Variants in PWWP3B observed in about 807,000 individuals in gnomAD.
PWWP3B encodes PWWP domain containing 3B, also known as PWWP domain-containing DNA repair factor 3B.
PWWP3B carries 5 observed loss-of-function variants against 15.7 expected under a neutral mutation model. The ratio of observed to expected loss-of-function variants is 0.32; its 90% CI spans 0.17 to 0.67. The LOEUF is 0.67. Among genes scored for constraint, PWWP3B ranks in the 30% least tolerant of loss-of-function variants. PWWP3B has a pLI of 0.74. For missense variants in PWWP3B, 519 were observed against 493.1 expected, an observed-to-expected ratio of 1.05 and a Z score of -0.50; for synonymous variants, 203 against 179.8, an observed-to-expected ratio of 1.13 and a Z score of -1.03.
At chrX:106,189,395 A>G (rs1024619910) in intron 2 of PWWP3B, among the ~76,000 whole-genome samples, 2 of 108,766 alleles carry the variant, frequency 1.8e-5, no homozygotes, top group Admixed American at 9.8e-5. Flanking sequence ...CCCACCACAC[A>G]ACAGTCCCCG....
intron 2 of PWWP3B, among the ~76,000 whole-genome samples, chrX:106,171,597 G>A (rs1053986843): frequency 1.1e-4 from 12 of 111,486 alleles, no homozygotes; most frequent in Middle Eastern, 4.7e-3. Context: ...TCTGAGAAAT[G>A]CTTCAATAGG....
At chrX:106,192,520 G>A (rs1167516405) in intron 2 of PWWP3B, among the ~76,000 whole-genome samples, 196 of 110,781 alleles carry the variant, frequency 1.8e-3, no homozygotes, top group African/African-American at 6.2e-3. Flanking sequence ...TTTTTGAAGG[G>A]TTTTTTGTGT....
chrX:106,178,150 G>A (rs1921997498), intron 2 of PWWP3B, among the ~76,000 whole-genome samples: 1 of 111,884 alleles, frequency 8.9e-6, no homozygotes, highest in African/African-American at 3.2e-5. Flanking sequence ...GTCAACTACA[G>A]CCTTGCATGT....
intron 2 of PWWP3B, among the ~76,000 whole-genome samples, chrX:106,171,358 T>C (rs1430906072): frequency 8.9e-6 from 1 of 111,738 alleles, no homozygotes; most frequent in Non-Finnish European, 1.9e-5. Flanking sequence ...AGTCATAACT[T>C]CTAGTTTTTG....
At chrX:106,198,404 A>C (rs1225592520) in intron 2 of PWWP3B, among the ~76,000 whole-genome samples, 1 of 111,452 alleles carries the variant, frequency 9.0e-6, no homozygotes, top group Non-Finnish European at 1.9e-5. Context: ...CCATGGTAAG[A>C]AAACACTTTT....
chrX:106,177,402 C>T (rs979443436), intron 2 of PWWP3B: 5 of 112,124 alleles, frequency 4.5e-5, no homozygotes, highest in African/African-American at 1.6e-4. Context: ...GGAATTTCTT[C>T]GGGCCTTGGT....
chrX:106,198,645 C>T (rs1008546424), intron 2 of PWWP3B, among the ~76,000 whole-genome samples: 2 of 111,558 alleles, frequency 1.8e-5, no homozygotes, highest in South Asian at 7.4e-4. Context: ...GCAGTATTAG[C>T]ATTTGCTATT....
chrX:106,186,612 C>T (rs764320612), intron 2 of PWWP3B, among the ~76,000 whole-genome samples: 2 of 111,188 alleles, frequency 1.8e-5, no homozygotes, highest in East Asian at 5.7e-4. Context: ...GTCTCACTGA[C>T]TTCAAGAATG....
At chrX:106,191,750 AG>A (rs1417752387) in intron 2 of PWWP3B, among the ~76,000 whole-genome samples, 5 of 111,329 alleles carry the variant, frequency 4.5e-5, no homozygotes, top group Admixed American at 9.5e-5. Context: ...TTTAGCATGA[AG>A]GGTTGTTGAA....
At chrX:106,191,924 G>T (rs1453484270) in intron 2 of PWWP3B, among the ~76,000 whole-genome samples, 1 of 111,521 alleles carries the variant, frequency 9.0e-6, no homozygotes, top group Non-Finnish European at 1.9e-5. Flanking sequence ...TTTTTCATGG[G>T]CTGCTGGATC....
chrX:106,180,380 A>C, intron 2 of PWWP3B, among the ~76,000 whole-genome samples: 1 of 111,189 alleles, frequency 9.0e-6, no homozygotes. Flanking sequence ...CCCCAACCAC[A>C]ATATGTTTAT....
chrX:106,174,907 G>C (rs1425034325), intron 2 of PWWP3B, among the ~76,000 whole-genome samples: 1 of 109,573 alleles, frequency 9.1e-6, no homozygotes, highest in Non-Finnish European at 1.9e-5. Context: ...AATTAGCTGG[G>C]TGTGGTGGCA....
chrX:106,205,062 TC>T (rs374862925), intron 3 of PWWP3B, among the ~76,000 whole-genome samples, 156 bp from the exon 4 acceptor site: 56 of 109,568 alleles, frequency 5.1e-4, no homozygotes, highest in African/African-American at 1.8e-3. Flanking sequence ...TTTCCACCCC[TC>T]CCCCCCGCAA....
intron 2 of PWWP3B, among the ~76,000 whole-genome samples, chrX:106,173,147 T>C (rs1330305997): frequency 8.9e-6 from 1 of 111,751 alleles, no homozygotes; most frequent in Non-Finnish European, 1.9e-5. Flanking sequence ...CTGAGCCTCA[T>C]TGTGTCCGTG....
intron 2 of PWWP3B, among the ~76,000 whole-genome samples, chrX:106,195,435 A>C (rs908325056): frequency 9.0e-6 from 1 of 111,645 alleles, no homozygotes; most frequent in Non-Finnish European, 1.9e-5. Context: ...AAGATTTTCT[A>C]CTTTTTTTTA....
intron 2 of PWWP3B, among the ~76,000 whole-genome samples, chrX:106,196,308 C>G (rs917476505): frequency 9.0e-6 from 1 of 111,460 alleles, no homozygotes; most frequent in African/African-American, 3.3e-5. Flanking sequence ...TGGCTGGGAT[C>G]GCCAATGTAA....
chrX:106,205,529 A>C lies in PWWP3B; in HGVS notation c.97A>C (p.Lys33Gln). The change falls in exon 4 of 4, where the codon AAG (lysine) becomes CAG (glutamine). Residue 33 changes from lysine to glutamine, a missense_variant. Physicochemically the swap from Lys to Gln is moderately conservative, Grantham distance 53. Coordinates refer to ENST00000357175, the MANE Select transcript of PWWP3B (RefSeq NM_001171020.2). ...AACTTCATCAAACAGTAAGAGGAAA[A>C]AGGCATTTTCTCTAGAAGTTCAAAT... ...SETSSNSKRK[K>Q]AFSLEVQILS... 8.3e-7 allele frequency: 1 copy of C among 1,203,866 alleles called. No homozygotes were observed. The highest frequency in any genetic ancestry group is 1.1e-6 in the Non-Finnish European group (1 of 891,325).
intron 2 of PWWP3B, among the ~76,000 whole-genome samples, chrX:106,190,725 G>C (rs1922878740): frequency 8.9e-6 from 1 of 111,789 alleles, no homozygotes; most frequent in African/African-American, 3.3e-5. Context: ...TTTAGTATAA[G>C]GTGTAAGGAA....
At chrX:106,200,470 C>T (rs888202898) in intron 2 of PWWP3B, among the ~76,000 whole-genome samples, 13 of 110,594 alleles carry the variant, frequency 1.2e-4, no homozygotes, top group Non-Finnish European at 2.1e-4. Context: ...AATATTAATG[C>T]TTATATAAAG....
Sources: allele counts gnomAD v4.1 joint callset (sites outside exome capture counted in the v4.1 genomes callset), GRCh38; gene constraint gnomAD v4.1.1; transcripts MANE v1.5; gene names NCBI Gene and HGNC (gene_info 2026-07-23, HGNC 2026-07-21).